ZNF611: variants seen among roughly 807,000 people sequenced by gnomAD.
The protein encoded by ZNF611 is zinc finger protein 611.
A neutral mutation model predicts 8.9 loss-of-function variants in ZNF611; 6 were observed. That is an observed-to-expected ratio of 0.68 (90% CI 0.37 to 1.34). ZNF611 has a LOEUF of 1.34. Among genes scored for constraint, ZNF611 ranks in the 40% most tolerant of loss-of-function variants. The pLI, the probability that ZNF611 is intolerant of heterozygous loss-of-function variation, is 0.02. For synonymous variants in ZNF611, 262 were observed against 279.7 expected (o/e 0.94, Z 0.63); for missense variants, 874 against 841.3 (o/e 1.04, Z -0.48).
Position 52,705,552 on chromosome 19 carries a change from C to T in ZNF611, c.1503G>A (p.Lys501=). 3 of 1,613,734 alleles carry T rather than the reference C, an allele frequency of 1.9e-6. No individual in the cohort carries two copies. The highest frequency in any genetic ancestry group is 2.5e-6 in the Non-Finnish European group (3 of 1,179,944). Residue 501 remains lysine, a synonymous_variant, in exon 6 of 6, where the codon AAG becomes AAA. Coordinates refer to ENST00000652185, the MANE Select transcript of ZNF611 (RefSeq NM_001161499.2). ...FGQNSDLLIH[K]SIHTGEQPYK... ...AAGGTTGCTCCCCAGTATGAATTGA[C>T]TTATGAATTAAAAGATCTGAATTTT...
intron 1 of ZNF611, among the ~76,000 whole-genome samples, chr19:52,733,461 C>T (rs1259041924): frequency 6.6e-6 from 1 of 152,058 alleles, no homozygotes; most frequent in Non-Finnish European, 1.5e-5. Flanking sequence ...CCATTATGCC[C>T]GGTTATTTAC....
intron 5 of ZNF611, 114 bp from the exon 6 acceptor site, chr19:52,706,978 C>A: frequency 6.8e-7 from 1 of 1,480,124 alleles, no homozygotes; most frequent in Non-Finnish European, 9.0e-7. Flanking sequence ...CAAACATCAT[C>A]TTCAAAGTTT....
chr19:52,714,241 G>T, intron 4 of ZNF611, 100 bp from the exon 5 acceptor site: 3 of 1,547,342 alleles, frequency 1.9e-6, no homozygotes, highest in Non-Finnish European at 2.6e-6. Flanking sequence ...TTTGATCAAA[G>T]ATTATGTTCT....
intron 5 of ZNF611, chr19:52,711,064 G>T (rs1230048054): frequency 6.6e-6 from 1 of 152,616 alleles, no homozygotes; most frequent in Non-Finnish European, 1.5e-5. Flanking sequence ...AGGCACAGTG[G>T]CTCATGCCTG....
In ZNF611 at chr19:52,728,803, CT is replaced by C; in HGVS notation, c.-94del. 2.3e-5 allele frequency: 4 copies of C among 171,126 alleles called. No homozygotes were observed. Among genetic ancestry groups the C allele is most frequent in the Admixed American group, 5.8e-5 (1 of 17,122 alleles). 10.6% of individuals were successfully genotyped at this position (171,126 alleles called of 1,614,324 possible). On this transcript the variant is annotated 5_prime_UTR_variant, in exon 3 of 6. The change abolishes the stop of an existing upstream ORF in the 5' untranslated region. Transcript: ENST00000652185. ...TCCCTGGCTCAAGTGATCCTCCCACCTTTTTCATCAAGCATTTGGAAGAGAT... is the reference window on the plus strand; with the variant it reads ...TCCCTGGCTCAAGTGATCCTCCCACCTTTTCATCAAGCATTTGGAAGAGAT...
rs761734508 is a variant in ZNF611, at chr19:52,705,026, G to A, written c.2029C>T (p.Pro677Ser). The change falls in exon 6 of 6, where the codon CCT becomes TCT. Residue 677 changes from proline (P) to serine (S), a missense_variant. Coordinates refer to ENST00000652185, the MANE Select transcript of ZNF611 (RefSeq NM_001161499.2). Reference protein sequence around the residue: ...RHTRIHTAEKPYKCNECGKAF... With the variant: ...RHTRIHTAEKSYKCNECGKAF... Reference sequence around the variant, plus strand: ...TTCCCACATTCATTACACTTGTAAGGTTTCTCTGCAGTGTGAATTCTGGTA... The same window carrying A: ...TTCCCACATTCATTACACTTGTAAGATTTCTCTGCAGTGTGAATTCTGGTA... 19 of 1,614,152 alleles carry A rather than the reference G, an allele frequency of 1.2e-5. No homozygotes were observed. The South Asian group carries it at 2.1e-4, about 18-fold the overall frequency.
At chr19:52,733,870 T>G (rs1210990929) in intron 1 of ZNF611, among the ~76,000 whole-genome samples, 1 of 152,092 alleles carries the variant, frequency 6.6e-6, no homozygotes, top group Non-Finnish European at 1.5e-5. Flanking sequence ...CATCTATTTC[T>G]GCCTCTTCTC....
chr19:52,726,432 AT>A (rs1404612040), intron 3 of ZNF611, among the ~76,000 whole-genome samples: 1 of 151,376 alleles, frequency 6.6e-6, no homozygotes, highest in Non-Finnish European at 1.5e-5. Flanking sequence ...ATTTATTTTT[AT>A]TTTTTGAGAC....
chr19:52,720,132 T>C (rs1379947349), intron 3 of ZNF611, among the ~76,000 whole-genome samples: 2 of 152,228 alleles, frequency 1.3e-5, no homozygotes, highest in Non-Finnish European at 2.9e-5. Flanking sequence ...GAATTTTTCT[T>C]AGTACAGAAC....
At chr19:52,734,727 CGAG>C (rs1280729884) in intron 1 of ZNF611, among the ~76,000 whole-genome samples, 1 of 152,152 alleles carries the variant, frequency 6.6e-6, no homozygotes, top group Admixed American at 6.5e-5. Context: ...GCGCGGGGCG[CGAG>C]GAGTCAGAAC....
rs1316991513 is a variant in ZNF611, at chr19:52,704,983, G to T, written c.2072C>A (p.Ser691Ter). ...AATTCTATGATGACGTGAAAGGTGT[G>T]ATTGTTGATTAAAAGCCTTCCCACA... The part of the protein sequence containing the change: ...NECGKAFNQQ[S>*]HLSRHHRIHT... The change falls in exon 6 of 6, where the codon TCA becomes TAA. Residue 691 changes from serine to a stop codon, truncating the protein, a stop_gained. Coordinates refer to ENST00000652185, the MANE Select transcript of ZNF611 (RefSeq NM_001161499.2). LOFTEE classifies it low-confidence loss of function (END_TRUNC). 1.9e-6 allele frequency: 3 copies of T among 1,614,204 alleles called. No individual in the cohort carries two copies. Among genetic ancestry groups the T allele is most frequent in the Middle Eastern group, 3.3e-4 (2 of 6,062 alleles).
chr19:52,721,085 C>T (rs183708233), intron 3 of ZNF611: 2,373 of 149,370 alleles, frequency 0.016, 21 homozygotes, highest in Non-Finnish European at 0.023. Context: ...CTAGACGGGG[C>T]GGCCAGGAAG....
chr19:52,714,161 T>C lies in ZNF611; in HGVS notation c.64-20A>G. 6.2e-7 allele frequency: 1 copy of C among 1,611,048 alleles called. No individual in the cohort carries two copies. Among genetic ancestry groups the C allele is most frequent in the Non-Finnish European group, 8.5e-7 (1 of 1,179,330 alleles). On this transcript the variant is annotated intron_variant, in intron 4 of 5. Coordinates refer to ENST00000652185, the MANE Select transcript of ZNF611 (RefSeq NM_001161499.2). ...GCGTCCCTAAAATGAAACACACATT[T>C]CAACAAAACATTATGGAGTAATGAG...
At chr19:52,714,575 C>G (rs2062302429) in intron 4 of ZNF611, among the ~76,000 whole-genome samples, 1 of 151,184 alleles carries the variant, frequency 6.6e-6, no homozygotes. Context: ...GTAATCCCAG[C>G]TACACAGGAG....
intron 2 of ZNF611, chr19:52,729,072 A>C (rs1198257540): frequency 6.6e-6 from 1 of 152,232 alleles, no homozygotes; most frequent in East Asian, 1.9e-4. Flanking sequence ...GGGCACCAAC[A>C]TGTGTAAGCC....
intron 3 of ZNF611, among the ~76,000 whole-genome samples, chr19:52,725,050 C>T (rs572558285): frequency 2.6e-5 from 4 of 152,282 alleles, no homozygotes; most frequent in African/African-American, 7.2e-5. Flanking sequence ...CAGTCCCTCT[C>T]TCTATCTCCT....
rs370478681 is a variant in ZNF611 at position 52,714,001 on chromosome 19, G to C, written c.190+14C>G. The C allele has an allele frequency of 5.0e-6, 8 of 1,613,928 alleles. No homozygotes were observed. Among genetic ancestry groups the C allele is most frequent in the Non-Finnish European group, 6.8e-6 (8 of 1,179,972 alleles). ...AGAGCAGACTCCTCATGTCTGCAGG[G>C]ACATTTTCCTCACCCACAGCCTCCA... is the stretch of plus-strand genomic sequence containing the variant. On this transcript the variant is annotated intron_variant, in intron 5 of 5. Coordinates refer to ENST00000652185, the MANE Select transcript of ZNF611 (RefSeq NM_001161499.2).
chr19:52,713,708 A>G (rs1335081907), intron 5 of ZNF611, among the ~76,000 whole-genome samples: 2 of 152,062 alleles, frequency 1.3e-5, no homozygotes, highest in African/African-American at 2.4e-5. Context: ...CCTGACCAAC[A>G]TGGAGAAACC....
At chr19:52,723,253 C>CTTTTTTTTT (rs56217135) in intron 3 of ZNF611, among the ~76,000 whole-genome samples, 1 of 103,188 alleles carries the variant, frequency 9.7e-6, no homozygotes, top group African/African-American at 4.1e-5. Flanking sequence ...CTTATTTAAC[C>CTTTTTTTTT]TTTTTTTTTT....
Sources: gnomAD v4.1 joint callset for allele counts (sites outside exome capture counted in the v4.1 genomes callset) on GRCh38, gnomAD v4.1.1 for gene constraint, MANE v1.5 for transcripts, NCBI Gene and HGNC (gene_info 2026-07-23, HGNC 2026-07-21) for gene names.